The following PDE3A variants were observed in gnomAD, a reference collection of about 807,000 sequenced individuals.
PDE3A encodes the protein cGMP-inhibited 3',5'-cyclic phosphodiesterase 3A.
Under a neutral mutation model 98.3 loss-of-function variants are expected in PDE3A, and 43 were observed. The observed-to-expected ratio is 0.44, with a 90% confidence interval of 0.34 to 0.56. The LOEUF (loss-of-function observed/expected upper bound fraction) is 0.56. Among genes scored for constraint, PDE3A ranks in the 20% least tolerant of loss-of-function variants. The pLI is 0.01. For missense variants in PDE3A, 1,427 were observed against 1,440.7 expected, an observed-to-expected ratio of 0.99 and a Z score of 0.15; for synonymous variants, 663 against 567.9, an observed-to-expected ratio of 1.17 and a Z score of -2.38.
intron 2 of PDE3A, among the ~76,000 whole-genome samples, chr12:20,564,918 C>T (rs538861133): frequency 3.4e-4 from 52 of 152,100 alleles, no homozygotes; most frequent in East Asian, 2.3e-3. Flanking sequence ...TTATTTGAAA[C>T]GAAACAAAGC....
chr12:20,416,697 A>T (rs1470761036), intron 1 of PDE3A, among the ~76,000 whole-genome samples: 1 of 152,170 alleles, frequency 6.6e-6, no homozygotes, highest in East Asian at 1.9e-4. Flanking sequence ...CCCTCAAGAA[A>T]TTATGAAAAC....
chr12:20,685,104 A>G lies in PDE3A; in HGVS notation c.*4833A>G, dbSNP rs575331503. Among the ~76,000 whole-genome samples, 7 of 152,248 alleles carry G rather than the reference A, an allele frequency of 4.6e-5. No homozygotes were observed. The highest frequency in any genetic ancestry group is 2.1e-4 in the South Asian group (1 of 4,816). On this transcript the variant is annotated 3_prime_UTR_variant, in exon 16 of 16. Transcript: ENST00000359062. ...CAAATCATTCTAACAGCAGGCTAAC[A>G]ATGGTGAAGTAAAATGAACATTTTT... is the stretch of plus-strand genomic sequence containing the variant.
chr12:20,533,733 C>A (rs780673865), intron 1 of PDE3A, among the ~76,000 whole-genome samples: 2 of 142,860 alleles, frequency 1.4e-5, no homozygotes, highest in African/African-American at 2.6e-5. Context: ...GCCCCGCCCC[C>A]CTTTGGACTC....
intron 1 of PDE3A, among the ~76,000 whole-genome samples, chr12:20,422,129 T>C (rs10841517): frequency 6.6e-6 from 1 of 151,984 alleles, no homozygotes; most frequent in East Asian, 1.9e-4. Flanking sequence ...GGCGGATCAC[T>C]AGGTCAGGAG....
chr12:20,369,922 T>C lies in PDE3A; in HGVS notation c.638T>C (p.Leu213Pro). 6.2e-7 allele frequency: 1 copy of C among 1,613,504 alleles called. No individual in the cohort carries two copies. The highest frequency in any genetic ancestry group is 1.1e-5 in the South Asian group (1 of 91,078). ...WLVLRLRLGV[L>P]MIALTSAVRT... is the part of the protein sequence containing the mutation. Reference sequence around the variant, plus strand: ...GTGCTGAGGCTGAGGCTGGGCGTCCTCATGATCGCCTTGACTAGCGCGGTC... The same window carrying C: ...GTGCTGAGGCTGAGGCTGGGCGTCCCCATGATCGCCTTGACTAGCGCGGTC... The change falls in exon 1 of 16, where the codon CTC becomes CCC. Residue 213 changes from leucine (L) to proline (P), a missense_variant. By Grantham distance (98) the Leu-to-Pro change is moderately conservative. Around this residue, in one of 3 missense-constraint regions of PDE3A, gnomAD observed 1,012 missense variants for 886.5 expected, o/e 1.14. Coordinates refer to ENST00000359062, the MANE Select transcript of PDE3A (RefSeq NM_000921.5).
intron 1 of PDE3A, among the ~76,000 whole-genome samples, chr12:20,478,041 G>A (rs1330901478): frequency 6.6e-6 from 1 of 152,100 alleles, no homozygotes; most frequent in African/African-American, 2.4e-5. Flanking sequence ...AATGTGTAAG[G>A]CTTTAAGCTT....
At chr12:20,447,322 G>C (rs528376790) in intron 1 of PDE3A, among the ~76,000 whole-genome samples, 3 of 152,206 alleles carry the variant, frequency 2.0e-5, no homozygotes, top group African/African-American at 7.2e-5. Flanking sequence ...TAAAACCCTT[G>C]ATAAGAATAT....
chr12:20,509,663 T>G (rs1301174764), intron 1 of PDE3A, among the ~76,000 whole-genome samples: 1 of 152,160 alleles, frequency 6.6e-6, no homozygotes, highest in Non-Finnish European at 1.5e-5. Context: ...GAAATTATTG[T>G]AGCCTCTGTT....
At chr12:20,649,107 T>C (rs28696742) in intron 13 of PDE3A, among the ~76,000 whole-genome samples, 3 of 151,326 alleles carry the variant, frequency 2.0e-5, no homozygotes, top group Non-Finnish European at 4.4e-5. Context: ...TGTATTTTTT[T>C]TTTTTAGTAG....
At position 20,647,996 on chromosome 12, in the gene PDE3A, AT is replaced by A. The variant is rs550647974; in HGVS notation, c.2566-688del. Among the ~76,000 whole-genome samples, 51 of 151,806 alleles carry A rather than the reference AT, an allele frequency of 3.4e-4. No homozygotes were observed. The South Asian group carries it at 0.01, about 30-fold the overall frequency. Reference sequence around the variant, plus strand: ...CTATCTTGCACACTAGTGTTCAGGCATTTTGTAGGCAGCTTCCCTTTTTAAA... The same window carrying A: ...CTATCTTGCACACTAGTGTTCAGGCATTTGTAGGCAGCTTCCCTTTTTAAA... On this transcript the variant is annotated intron_variant, in intron 12 of 15. Transcript: ENST00000359062.
intron 1 of PDE3A, among the ~76,000 whole-genome samples, chr12:20,418,415 T>A (rs985801153): frequency 6.6e-6 from 1 of 152,206 alleles, no homozygotes; most frequent in Non-Finnish European, 1.5e-5. Flanking sequence ...CTGAATTATG[T>A]GCACCAGATT....
At chr12:20,548,256 T>TA (rs917432683) in intron 1 of PDE3A, among the ~76,000 whole-genome samples, 24 of 152,012 alleles carry the variant, frequency 1.6e-4, no homozygotes, top group African/African-American at 5.8e-4. Context: ...CATTCTCTTT[T>TA]AAAAAAAATT....
intron 2 of PDE3A, among the ~76,000 whole-genome samples, chr12:20,569,201 T>G (rs1942734556): frequency 1.3e-5 from 2 of 152,090 alleles, no homozygotes; most frequent in African/African-American, 4.8e-5. Flanking sequence ...TTTGAAATCA[T>G]GTTTTAAAAA....
At chr12:20,666,865 A>G (rs544328026) in intron 15 of PDE3A, among the ~76,000 whole-genome samples, 28 of 152,318 alleles carry the variant, frequency 1.8e-4, no homozygotes, top group African/African-American at 6.5e-4. Flanking sequence ...TGTTTTCCAT[A>G]GTGGCTATAC....
chr12:20,430,827 T>C (rs936312646), intron 1 of PDE3A, among the ~76,000 whole-genome samples: 3 of 152,144 alleles, frequency 2.0e-5, no homozygotes, highest in Non-Finnish European at 4.4e-5. Flanking sequence ...GTAGTGAAGG[T>C]AATATTATTG....
At chr12:20,646,112 C>A (rs776949634) in intron 10 of PDE3A, among the ~76,000 whole-genome samples, 1 of 152,124 alleles carries the variant, frequency 6.6e-6, no homozygotes, top group Non-Finnish European at 1.5e-5. Flanking sequence ...TGAAGTATGT[C>A]ATAGCTATTA....
intron 5 of PDE3A, among the ~76,000 whole-genome samples, chr12:20,623,520 C>G (rs140840084): frequency 3.9e-4 from 59 of 152,036 alleles, no homozygotes; most frequent in African/African-American, 1.3e-3. Context: ...AATATGGTAA[C>G]CTAAAATTTT....
intron 1 of PDE3A, chr12:20,551,587 C>T: frequency 6.5e-7 from 1 of 1,549,040 alleles, no homozygotes; most frequent in Non-Finnish European, 8.7e-7. Flanking sequence ...CGCCTGCCAC[C>T]TGTGCGGGGG....
At chr12:20,397,430 C>T (rs1944038846) in intron 1 of PDE3A, among the ~76,000 whole-genome samples, 1 of 151,920 alleles carries the variant, frequency 6.6e-6, no homozygotes, top group East Asian at 1.9e-4. Flanking sequence ...TATAAAGATA[C>T]ATATAAAGAA....
Sources: allele counts gnomAD v4.1 joint callset (sites outside exome capture counted in the v4.1 genomes callset), GRCh38; gene constraint gnomAD v4.1.1; regional missense constraint gnomAD v4.1.1; transcripts MANE v1.5; gene names NCBI Gene and HGNC (gene_info 2026-07-23, HGNC 2026-07-21).